The following LRMDA variants were observed in gnomAD, a reference collection of about 807,000 sequenced individuals.
The protein encoded by LRMDA is leucine-rich melanocyte differentiation-associated protein.
In LRMDA, 18 loss-of-function variants were observed where a neutral mutation model predicts 29.8. The ratio of observed to expected loss-of-function variants is 0.60; its 90% CI spans 0.42 to 0.90. LRMDA has a LOEUF of 0.90. LRMDA is among the 40% of genes least tolerant of loss of function. LRMDA has a pLI of 0.00. For synonymous variants in LRMDA, 125 were observed against 109.4 expected (o/e 1.14, Z -0.89); for missense variants, 273 against 273.9 (o/e 1.00, Z 0.02).
At chr10:75,614,451 C>A (rs1841074340) in intron 2 of LRMDA, among the ~76,000 whole-genome samples, 1 of 152,054 alleles carries the variant, frequency 6.6e-6, no homozygotes, top group African/African-American at 2.4e-5. Context: ...TGCACAGTGC[C>A]TCAGAAAAGC....
intron 5 of LRMDA, among the ~76,000 whole-genome samples, chr10:76,068,252 C>T (rs1315610206): frequency 6.6e-6 from 1 of 152,158 alleles, no homozygotes; most frequent in Non-Finnish European, 1.5e-5. Context: ...CATGTAAGCT[C>T]AGTGATGAAA....
At position 76,517,679 on chromosome 10, in the gene LRMDA, A is replaced by G. The variant is rs375797726; in HGVS notation, c.602-39530A>G. Among the ~76,000 whole-genome samples, 17 of 152,238 alleles carry G rather than the reference A, an allele frequency of 1.1e-4. No individual in the cohort carries two copies. The East Asian group carries it at 1.3e-3, about 12-fold the overall frequency. On this transcript the variant is annotated intron_variant, in intron 6 of 6. Transcript: ENST00000611255. ...ATCATGAGAAAAAAATGGCAAACAT[A>G]TAAGTAAATCTAAACCAACACTTTC...
At chr10:76,315,452 T>C (rs1241606280) in intron 5 of LRMDA, among the ~76,000 whole-genome samples, 1 of 152,212 alleles carries the variant, frequency 6.6e-6, no homozygotes, top group Non-Finnish European at 1.5e-5. Context: ...GGCCTCTCCC[T>C]GCTCCCGGTG....
intron 2 of LRMDA, among the ~76,000 whole-genome samples, chr10:75,772,869 T>TGGGTG (rs551636817): frequency 1.0e-4 from 5 of 49,836 alleles, no homozygotes; most frequent in South Asian, 2.1e-3. Context: ...GGGGGTGGGA[T>TGGGTG]GGGGGGGGGC....
chr10:75,935,014 C>T (rs1846264621), intron 2 of LRMDA, among the ~76,000 whole-genome samples: 1 of 152,064 alleles, frequency 6.6e-6, no homozygotes, highest in Non-Finnish European at 1.5e-5. Flanking sequence ...CACTAGTGCT[C>T]CTGGTCCCTG....
intron 2 of LRMDA, among the ~76,000 whole-genome samples, chr10:75,675,916 T>G (rs1339917446): frequency 6.6e-6 from 1 of 152,214 alleles, no homozygotes. Context: ...ATTCTCAATG[T>G]ATGGCCTGCA....
intron 3 of LRMDA, among the ~76,000 whole-genome samples, chr10:76,036,680 T>C (rs923565197): frequency 6.6e-6 from 1 of 152,172 alleles, no homozygotes; most frequent in Non-Finnish European, 1.5e-5. Context: ...GGGGATACCA[T>C]GCTCTGGTGA....
At chr10:76,251,147 C>T (rs1023897173) in intron 5 of LRMDA, among the ~76,000 whole-genome samples, 2 of 149,802 alleles carry the variant, frequency 1.3e-5, no homozygotes, top group Non-Finnish European at 2.9e-5. Flanking sequence ...TTTCAGAGGA[C>T]GTATGGTCTA....
At position 76,208,748 on chromosome 10, in the gene LRMDA, T is replaced by C. The variant is rs145723353; in HGVS notation, c.517-115653T>C. 2.5e-4 allele frequency among the ~76,000 whole-genome samples: 38 copies of C among 152,206 alleles called. 1 individual carries two copies. Among genetic ancestry groups the C allele is most frequent in the African/African-American group, 9.1e-4 (38 of 41,544 alleles). Reference sequence around the variant, plus strand: ...CAGCAAGCATGTCCTCCCCTCTGCTTGTGCCTATCCAGACCACCAATCCCA... The same window carrying C: ...CAGCAAGCATGTCCTCCCCTCTGCTCGTGCCTATCCAGACCACCAATCCCA... On this transcript the variant is annotated intron_variant, in intron 5 of 6. Coordinates refer to ENST00000611255, the MANE Select transcript of LRMDA (RefSeq NM_001305581.2).
At chr10:76,444,268 A>G (rs1256142728) in intron 6 of LRMDA, among the ~76,000 whole-genome samples, 1 of 152,156 alleles carries the variant, frequency 6.6e-6, no homozygotes, top group African/African-American at 2.4e-5. Flanking sequence ...TGACCTATTT[A>G]TTTCAAGGAC....
intron 2 of LRMDA, among the ~76,000 whole-genome samples, chr10:75,797,884 A>G (rs990888175): frequency 2.0e-4 from 30 of 152,176 alleles, no homozygotes; most frequent in Admixed American, 1.3e-4. Flanking sequence ...CTTTGAGTCA[A>G]ATTGCTGCTA....
intron 5 of LRMDA, among the ~76,000 whole-genome samples, chr10:76,121,306 A>G (rs926689838): frequency 1.3e-5 from 2 of 152,142 alleles, no homozygotes; most frequent in African/African-American, 4.8e-5. Context: ...TACTCTAGTT[A>G]ATGAGGCAAT....
At chr10:76,035,615 A>C (rs1201269766) in intron 2 of LRMDA, among the ~76,000 whole-genome samples, 1 of 152,220 alleles carries the variant, frequency 6.6e-6, no homozygotes, top group Non-Finnish European at 1.5e-5. Context: ...ATTTGTGTCC[A>C]GGGAATGAAG....
chr10:75,535,191 T>A (rs1179355876), intron 2 of LRMDA, among the ~76,000 whole-genome samples: 1 of 152,040 alleles, frequency 6.6e-6, no homozygotes, highest in African/African-American at 2.4e-5. Flanking sequence ...TTTCAGGGAT[T>A]TTTTTTTCCA....
At chr10:75,902,041 A>T (rs1343274712) in intron 2 of LRMDA, among the ~76,000 whole-genome samples, 1 of 152,154 alleles carries the variant, frequency 6.6e-6, no homozygotes, top group East Asian at 1.9e-4. Context: ...GAGAGTCCAG[A>T]TGAGGCCCCT....
chr10:75,440,053 G>A (rs1169566620), intron 2 of LRMDA, among the ~76,000 whole-genome samples: 1 of 151,512 alleles, frequency 6.6e-6, no homozygotes, highest in Non-Finnish European at 1.5e-5. Flanking sequence ...GTGGATCATG[G>A]GACTGGGCTA....
intron 5 of LRMDA, among the ~76,000 whole-genome samples, chr10:76,276,065 C>A (rs9971064): frequency 7.2e-4 from 106 of 147,172 alleles, no homozygotes; most frequent in African/African-American, 1.5e-3. Flanking sequence ...CTTTCTTTCT[C>A]TCTTTCTTTC....
At chr10:75,517,736 T>G (rs1412067423) in intron 2 of LRMDA, among the ~76,000 whole-genome samples, 2 of 152,190 alleles carry the variant, frequency 1.3e-5, no homozygotes, top group Non-Finnish European at 2.9e-5. Context: ...TCTAACACTG[T>G]GTTGAATAGG....
chr10:76,371,224 G>A (rs1053409569), intron 6 of LRMDA, among the ~76,000 whole-genome samples: 1 of 152,160 alleles, frequency 6.6e-6, no homozygotes, highest in African/African-American at 2.4e-5. Context: ...TGACCTTGTA[G>A]GGATGTGTCA....
Sources: allele counts gnomAD v4.1 joint callset (sites outside exome capture counted in the v4.1 genomes callset), GRCh38; gene constraint gnomAD v4.1.1; transcripts MANE v1.5; gene names NCBI Gene and HGNC (gene_info 2026-07-23, HGNC 2026-07-21).